The following RUNX1 variants were observed in gnomAD, a reference collection of about 807,000 sequenced individuals.
The protein encoded by RUNX1 is RUNX family transcription factor 1.
In RUNX1, 19 loss-of-function variants were observed where a neutral mutation model predicts 42.8. That is an observed-to-expected ratio of 0.44 (90% confidence interval 0.31 to 0.65). RUNX1 has a LOEUF of 0.65. Among genes scored for constraint, RUNX1 ranks in the 30% least tolerant of loss-of-function variants. The probability of loss-of-function intolerance (pLI) is 0.07; values close to 1 mark genes in which losing one functional copy is unlikely to be tolerated. For missense variants in RUNX1, 528 were observed against 672.0 expected, an observed-to-expected ratio of 0.79 and a Z score of 2.37; for synonymous variants, 271 against 289.4, an observed-to-expected ratio of 0.94 and a Z score of 0.64.
At chr21:35,031,887 AAAG>A (rs1386478848) in intron 2 of RUNX1, among the ~76,000 whole-genome samples, 1 of 152,260 alleles carries the variant, frequency 6.6e-6, no homozygotes, top group Non-Finnish European at 1.5e-5. Flanking sequence ...TATTTTTTAA[AAAG>A]AAGTTATTTA....
intron 2 of RUNX1, among the ~76,000 whole-genome samples, chr21:34,916,709 G>C (rs1312262570): frequency 6.6e-6 from 1 of 152,114 alleles, no homozygotes; most frequent in Non-Finnish European, 1.5e-5. Flanking sequence ...AAGAGGGAAA[G>C]TACAGGGGAT....
In RUNX1 at chr21:35,033,006, C is replaced by T. The variant is rs577263712; in HGVS notation, c.58+15836G>A. Among the ~76,000 whole-genome samples the T allele has an allele frequency of 3.9e-5, 6 of 152,268 alleles. No homozygotes were observed. In the East Asian group the frequency reaches 1.2e-3, roughly 29 times the overall value. Reference sequence around the variant, plus strand: ...TCTATCCATCCATCCCTCTATCATTCATCCATCCATCTATCCATTCATTCA... The same window carrying T: ...TCTATCCATCCATCCCTCTATCATTTATCCATCCATCTATCCATTCATTCA... On this transcript the variant is annotated intron_variant, in intron 2 of 8. Coordinates refer to ENST00000675419, the MANE Select transcript of RUNX1 (RefSeq NM_001754.5).
At chr21:34,943,002 C>T (rs760579536) in intron 2 of RUNX1, among the ~76,000 whole-genome samples, 46 of 152,304 alleles carry the variant, frequency 3.0e-4, no homozygotes, top group Non-Finnish European at 4.6e-4. Context: ...GCAGCGAGTA[C>T]GCCTTGGCAG....
intron 2 of RUNX1, among the ~76,000 whole-genome samples, chr21:34,948,836 C>G (rs1374421996): frequency 6.6e-6 from 1 of 152,180 alleles, no homozygotes; most frequent in East Asian, 1.9e-4. Context: ...ACCTCCGCCT[C>G]CCGGGCTCAA....
chr21:35,018,665 C>G (rs1417779054), intron 2 of RUNX1, among the ~76,000 whole-genome samples: 1 of 152,122 alleles, frequency 6.6e-6, no homozygotes, highest in Admixed American at 6.5e-5. Flanking sequence ...ATACGCAGCC[C>G]CTCAGGAACA....
intron 2 of RUNX1, among the ~76,000 whole-genome samples, chr21:34,985,812 G>A (rs1303525618): frequency 1.3e-5 from 2 of 149,092 alleles, no homozygotes; most frequent in Non-Finnish European, 3.0e-5. Flanking sequence ...GGTATGCGGT[G>A]TAACAAATGG....
chr21:34,906,007 C>T (rs2146502956), intron 2 of RUNX1, among the ~76,000 whole-genome samples: 1 of 152,284 alleles, frequency 6.6e-6, no homozygotes, highest in African/African-American at 2.4e-5. Context: ...TCCTGGTGGT[C>T]TGTTTATTTT....
chr21:35,023,831 G>C (rs1448001170), intron 2 of RUNX1, among the ~76,000 whole-genome samples: 3 of 151,866 alleles, frequency 2.0e-5, no homozygotes, highest in Non-Finnish European at 2.9e-5. Flanking sequence ...AGCATCTGTG[G>C]GTACCAGTTT....
chr21:34,835,415 T>C (rs1281846326), intron 6 of RUNX1, among the ~76,000 whole-genome samples: 1 of 151,542 alleles, frequency 6.6e-6, no homozygotes, highest in African/African-American at 2.4e-5. Flanking sequence ...GATGGGCCCC[T>C]CAGTGTCTAT....
chr21:34,971,018 G>A (rs112550514), intron 2 of RUNX1, among the ~76,000 whole-genome samples: 3,770 of 152,314 alleles, frequency 0.025, 147 homozygotes, highest in African/African-American at 0.086. Context: ...ATAAGGTTAT[G>A]TTGGTATATA....
intron 2 of RUNX1, among the ~76,000 whole-genome samples, chr21:35,013,619 T>A (rs557529568): frequency 4.9e-4 from 74 of 152,334 alleles, no homozygotes; most frequent in African/African-American, 1.7e-3. Flanking sequence ...GCCACCGTCA[T>A]GCACTGTGGG....
At chr21:34,809,099 C>T (rs1425039102) in intron 7 of RUNX1, among the ~76,000 whole-genome samples, 1 of 152,172 alleles carries the variant, frequency 6.6e-6, no homozygotes, top group Non-Finnish European at 1.5e-5. Flanking sequence ...GCACTTTCTG[C>T]ACCTCTGCCC....
At chr21:34,846,910 A>T (rs2057325704) in intron 6 of RUNX1, among the ~76,000 whole-genome samples, 6 of 152,046 alleles carry the variant, frequency 3.9e-5, no homozygotes. Flanking sequence ...GAAGATTCTC[A>T]CCTCCAAGCA....
chr21:34,831,876 T>C (rs2057068464), intron 7 of RUNX1, among the ~76,000 whole-genome samples: 2 of 152,142 alleles, frequency 1.3e-5, no homozygotes, highest in Admixed American at 6.5e-5. Context: ...CAAAACATGA[T>C]TAGCGTAAAA....
chr21:34,862,880 C>T (rs1381925617), intron 5 of RUNX1, among the ~76,000 whole-genome samples: 2 of 152,200 alleles, frequency 1.3e-5, no homozygotes, highest in South Asian at 2.1e-4. Flanking sequence ...TCTACAGGCA[C>T]GCGTGTGTTT....
rs529577083 is a variant in RUNX1, at chr21:34,991,779, G to C, written c.58+57063C>G. 4.6e-5 allele frequency among the ~76,000 whole-genome samples: 7 copies of C among 152,268 alleles called. No homozygotes were observed. In the South Asian group the frequency reaches 1.5e-3, roughly 32 times the overall value. Reference sequence around the variant, plus strand: ...GAATGTGACCTTATTTGGATATAGCGTTTTTGAAGAAGTAACTGGTTAAGA... The same window carrying C: ...GAATGTGACCTTATTTGGATATAGCCTTTTTGAAGAAGTAACTGGTTAAGA... On this transcript the variant is annotated intron_variant, in intron 2 of 8. Transcript: ENST00000675419.
chr21:34,793,331 TGTA>T (rs1034302694), intron 8 of RUNX1, among the ~76,000 whole-genome samples: 4 of 152,120 alleles, frequency 2.6e-5, no homozygotes, highest in African/African-American at 7.2e-5. Context: ...TATGAAATGA[TGTA>T]GTATAGCATA....
intron 2 of RUNX1, 39 bp from the exon 3 acceptor site, chr21:34,893,002 G>T: frequency 3.7e-6 from 5 of 1,359,410 alleles, no homozygotes; most frequent in Non-Finnish European, 4.2e-6. Flanking sequence ...AGTAATGCAA[G>T]TTTAAAAATT....
chr21:34,979,692 A>T (rs979227389), intron 2 of RUNX1, among the ~76,000 whole-genome samples: 1 of 152,244 alleles, frequency 6.6e-6, no homozygotes, highest in Non-Finnish European at 1.5e-5. Context: ...ATTATCTGGC[A>T]AGTCTATTTC....
Sources: gnomAD v4.1 joint callset for allele counts (sites outside exome capture counted in the v4.1 genomes callset) on GRCh38, gnomAD v4.1.1 for gene constraint, MANE v1.5 for transcripts, NCBI Gene and HGNC (gene_info 2026-07-23, HGNC 2026-07-21) for gene names.